Variants in NUDC observed in about 807,000 individuals in gnomAD.
NUDC encodes nuclear migration protein nudC.
In NUDC, 14 loss-of-function variants were observed where a neutral mutation model predicts 45.0. That is an observed-to-expected ratio of 0.31 (90% CI 0.21 to 0.49). The LOEUF (loss-of-function observed/expected upper bound fraction) is 0.49, where lower values mean the gene tolerates loss of function less well. Among genes scored for constraint, NUDC ranks in the 20% least tolerant of loss-of-function variants. NUDC has a pLI of 0.99. For synonymous variants in NUDC, 153 were observed against 156.7 expected (o/e 0.98, Z 0.17); for missense variants, 323 against 426.2 (o/e 0.76, Z 2.13).
chr1:26,929,036 A>T (rs1000267444), intron 2 of NUDC, among the ~76,000 whole-genome samples: 2 of 152,216 alleles, frequency 1.3e-5, no homozygotes, highest in African/African-American at 2.4e-5. Flanking sequence ...AGGTGAATGG[A>T]TAAACAATGT....
intron 2 of NUDC, among the ~76,000 whole-genome samples, chr1:26,940,985 G>A (rs1053848640): frequency 6.6e-6 from 1 of 150,820 alleles, no homozygotes; most frequent in African/African-American, 2.4e-5. Flanking sequence ...GCAGTGGCAC[G>A]ATCTCTGCTC....
chr1:26,942,797 G>C (rs1184497841), intron 5 of NUDC, 21 bp downstream of exon 5: 1 of 1,614,192 alleles, frequency 6.2e-7, no homozygotes, highest in South Asian at 1.1e-5. Context: ...GGGACCAGAG[G>C]TAAAGCTTAG....
At chr1:26,934,440 CA>C (rs1170467254) in intron 2 of NUDC, among the ~76,000 whole-genome samples, 1 of 152,158 alleles carries the variant, frequency 6.6e-6, no homozygotes, top group Admixed American at 6.5e-5. Flanking sequence ...GGTGGGGAAA[CA>C]GAGCCAAACG....
Position 26,946,260 on chromosome 1 carries a change from G to T in NUDC, c.*79G>T, listed in dbSNP as rs1263182090. The stretch of plus-strand genomic sequence containing the variant: ...TCTTTCCCACTCTTCTCTGGGACTT[G>T]TGGGCCTCAGGGCTTGGGGCAGGCA... On this transcript the variant is annotated 3_prime_UTR_variant, in exon 9 of 9. Transcript: ENST00000321265. 8.5e-6 allele frequency: 11 copies of T among 1,289,474 alleles called. No homozygotes were observed. Among genetic ancestry groups the T allele is most frequent in the Non-Finnish European group, 1.2e-5 (11 of 886,410 alleles). 79.9% of individuals were successfully genotyped at this position (1,289,474 alleles called of 1,614,324 possible).
At chr1:26,924,211 A>T in intron 2 of NUDC, 45 bp downstream of exon 2, 1 of 1,551,372 alleles carries the variant, frequency 6.4e-7, no homozygotes. Context: ...CTGTCTCTTC[A>T]GAAGAAAAGC....
At chr1:26,940,706 GAC>G (rs1293712910) in intron 2 of NUDC, among the ~76,000 whole-genome samples, 2 of 152,122 alleles carry the variant, frequency 1.3e-5, no homozygotes, top group Non-Finnish European at 2.9e-5. Flanking sequence ...GTTTTTTTGA[GAC>G]AGAGTCTCGC....
At chr1:26,930,085 G>A (rs954289607) in intron 2 of NUDC, among the ~76,000 whole-genome samples, 1 of 152,168 alleles carries the variant, frequency 6.6e-6, no homozygotes, top group Non-Finnish European at 1.5e-5. Context: ...ACCTTCTCCA[G>A]AAAAGCATAC....
At chr1:26,943,939 G>A (rs182941014) in intron 6 of NUDC, among the ~76,000 whole-genome samples, 170 of 152,184 alleles carry the variant, frequency 1.1e-3, no homozygotes, top group African/African-American at 3.8e-3. Flanking sequence ...GTGCAGTGGC[G>A]CGATCTCGGC....
intron 2 of NUDC, among the ~76,000 whole-genome samples, chr1:26,941,121 T>A (rs2082273076): frequency 7.3e-6 from 1 of 136,200 alleles, no homozygotes; most frequent in Admixed American, 7.7e-5. Flanking sequence ...GTATTTTTGG[T>A]AGAGACAGGG....
intron 6 of NUDC, among the ~76,000 whole-genome samples, chr1:26,943,779 GTAAA>G (rs992579278): frequency 2.0e-5 from 3 of 152,154 alleles, no homozygotes; most frequent in Non-Finnish European, 4.4e-5. Context: ...ACAGAGATCA[GTAAA>G]TAAAGGTGGT....
At chr1:26,916,063 A>C (rs2082060288) in intron 3 of NUDC, among the ~76,000 whole-genome samples, 1 of 152,040 alleles carries the variant, frequency 6.6e-6, no homozygotes, top group South Asian at 2.1e-4. Flanking sequence ...ATGGGGCCTG[A>C]AGGTTACGAT....
At chr1:26,911,141 G>C (rs1557666008) in exon 3 of NUDC, 3 of 470,930 alleles carry the variant, frequency 6.4e-6, no homozygotes, top group East Asian at 1.4e-4. Context: ...TGGGGGAAGT[G>C]AATGATCTCA....
upstream of NUDC, among the ~76,000 whole-genome samples, chr1:26,919,246 G>A (rs1049759445): frequency 1.6e-4 from 24 of 151,992 alleles, no homozygotes; most frequent in Non-Finnish European, 2.2e-4. Context: ...GCCATGCCCC[G>A]CTAATTTTTT....
chr1:26,910,068 T>C (rs571420815), intron 2 of NUDC, among the ~76,000 whole-genome samples: 1 of 152,302 alleles, frequency 6.6e-6, no homozygotes, highest in South Asian at 2.1e-4. Flanking sequence ...GGGGCCACTT[T>C]TCCCTTTACT....
At chr1:26,901,676 A>G (rs2081979789) in intron 1 of NUDC, among the ~76,000 whole-genome samples, 1 of 152,076 alleles carries the variant, frequency 6.6e-6, no homozygotes, top group Admixed American at 6.6e-5. Context: ...AAGTGCTGAG[A>G]TTACAGATGT....
chr1:26,933,186 G>A (rs1471233200), intron 2 of NUDC, among the ~76,000 whole-genome samples: 3 of 151,718 alleles, frequency 2.0e-5, no homozygotes, highest in Admixed American at 6.6e-5. Flanking sequence ...TGCCTGGCTC[G>A]GCCTCCCAAA....
At chr1:26,926,605 CT>C (rs533535208) in intron 2 of NUDC, among the ~76,000 whole-genome samples, 76 of 146,894 alleles carry the variant, frequency 5.2e-4, no homozygotes, top group Admixed American at 8.2e-4. Context: ...TTTTTTCTTT[CT>C]TTTTTTTTTT....
At chr1:26,910,637 G>A (rs775815192) in intron 2 of NUDC, among the ~76,000 whole-genome samples, 2 of 152,176 alleles carry the variant, frequency 1.3e-5, no homozygotes, top group Non-Finnish European at 2.9e-5. Context: ...AGGACTTACT[G>A]CGGGTGAAAG....
At chr1:26,936,085 C>T (rs1190438407) in intron 2 of NUDC, among the ~76,000 whole-genome samples, 1 of 134,392 alleles carries the variant, frequency 7.4e-6, no homozygotes, top group African/African-American at 2.8e-5. Context: ...TCTTCTGCCT[C>T]AGCCTCCCAA....
Sources: gnomAD v4.1 joint callset for allele counts (sites outside exome capture counted in the v4.1 genomes callset) on GRCh38, gnomAD v4.1.1 for gene constraint, MANE v1.5 for transcripts, NCBI Gene and HGNC (gene_info 2026-07-23, HGNC 2026-07-21) for gene names.